The following CDH4 variants were observed in gnomAD, a reference collection of about 807,000 sequenced individuals.
The protein encoded by CDH4 is cadherin 4.
A neutral mutation model predicts 86.0 loss-of-function variants in CDH4; 33 were observed. The observed-to-expected ratio is 0.38, with a 90% CI of 0.29 to 0.51. The LOEUF (loss-of-function observed/expected upper bound fraction) is 0.51, where lower values mean the gene tolerates loss of function less well. CDH4 is among the 20% of genes least tolerant of loss of function. The probability of loss-of-function intolerance (pLI) is 0.86; values close to 1 mark genes in which losing one functional copy is unlikely to be tolerated. For missense variants in CDH4, 1,114 were observed against 1,307.4 expected, an observed-to-expected ratio of 0.85 and a Z score of 2.28; for synonymous variants, 555 against 549.4, an observed-to-expected ratio of 1.01 and a Z score of -0.14.
At chr20:61,767,142 G>A (rs575560635) in intron 3 of CDH4, among the ~76,000 whole-genome samples, 1 of 152,122 alleles carries the variant, frequency 6.6e-6, no homozygotes, top group Non-Finnish European at 1.5e-5. Context: ...GCCCGTGCAG[G>A]ACTCAGGAAG....
chr20:61,567,254 G>A (rs73914854), intron 2 of CDH4, among the ~76,000 whole-genome samples: 3,709 of 152,290 alleles, frequency 0.024, 107 homozygotes, highest in African/African-American at 0.07. Flanking sequence ...AGCTGGGGAC[G>A]GCAGAAGTTA....
chr20:61,326,294 C>G (rs1052808878), intron 2 of CDH4, among the ~76,000 whole-genome samples: 11 of 152,118 alleles, frequency 7.2e-5, no homozygotes, highest in Non-Finnish European at 1.0e-4. Context: ...GATTGAGTGA[C>G]CTGTTTGAAA....
chr20:61,440,921 G>A (rs560156132), intron 2 of CDH4, among the ~76,000 whole-genome samples: 2 of 152,316 alleles, frequency 1.3e-5, no homozygotes, highest in Admixed American at 6.5e-5. Flanking sequence ...AAGAGCCCAG[G>A]TCAGCAAATC....
At chr20:61,368,518 T>C (rs886605020) in intron 2 of CDH4, among the ~76,000 whole-genome samples, 1 of 152,146 alleles carries the variant, frequency 6.6e-6, no homozygotes, top group Admixed American at 6.5e-5. Context: ...TAAATTGCTG[T>C]TGTTTATAAG....
In CDH4 at chr20:61,903,540, T is replaced by TAAAAAAAAAAAAAA. The variant is rs60370683; in HGVS notation, c.1189-6876_1189-6863dup. Among the ~76,000 whole-genome samples, 41 of 90,878 alleles carry TAAAAAAAAAAAAAA rather than the reference T, an allele frequency of 4.5e-4. 1 individual carries two copies. Among genetic ancestry groups the TAAAAAAAAAAAAAA allele is most frequent in the African/African-American group, 1.8e-3 (37 of 21,128 alleles). The allele number at this position is 90,878 out of a possible 152,430, so 59.6% of individuals were successfully genotyped here. On this transcript the variant is annotated intron_variant, in intron 8 of 15. Coordinates refer to ENST00000614565, the MANE Select transcript of CDH4 (RefSeq NM_001794.5). ...AGCGTGGGCAGCAGAAGAGACTCCA[T>TAAAAAAAAAAAAAA]AAAAAAAAAAAAAAAAAAAGTGTAA...
intron 2 of CDH4, among the ~76,000 whole-genome samples, chr20:61,438,020 T>C (rs898460020): frequency 8.5e-5 from 13 of 152,218 alleles, no homozygotes; most frequent in African/African-American, 3.1e-4. Flanking sequence ...GGACAGCACT[T>C]AATGACCCGT....
chr20:61,670,386 C>T (rs2087373239), intron 2 of CDH4, among the ~76,000 whole-genome samples: 1 of 152,218 alleles, frequency 6.6e-6, no homozygotes, highest in South Asian at 2.1e-4. Flanking sequence ...GTCCCAGCCT[C>T]AGTCATATAT....
At chr20:61,549,909 C>T (rs1303771894) in intron 2 of CDH4, among the ~76,000 whole-genome samples, 1 of 152,182 alleles carries the variant, frequency 6.6e-6, no homozygotes, top group Non-Finnish European at 1.5e-5. Context: ...GGTCAGCTGC[C>T]ACCCCCCTCA....
At chr20:61,384,527 T>C (rs922104108) in intron 2 of CDH4, among the ~76,000 whole-genome samples, 1 of 152,170 alleles carries the variant, frequency 6.6e-6, no homozygotes, top group Admixed American at 6.5e-5. Context: ...AAACCAGTCT[T>C]TTCTGAACAT....
At chr20:61,903,715 A>C (rs2054754806) in intron 8 of CDH4, among the ~76,000 whole-genome samples, 1 of 152,146 alleles carries the variant, frequency 6.6e-6, no homozygotes, top group Non-Finnish European at 1.5e-5. Context: ...GCCGAGAGGC[A>C]GCCCCCAGGG....
In CDH4 at chr20:61,387,471, T is replaced by C. The variant is rs573833046; in HGVS notation, c.169+132534T>C. Among the ~76,000 whole-genome samples, 4 of 134,762 alleles carry C rather than the reference T, an allele frequency of 3.0e-5. No individual in the cohort carries two copies. The South Asian group carries it at 7.4e-4, about 25-fold the overall frequency. 88.4% of individuals were successfully genotyped at this position (134,762 alleles called of 152,430 possible). ...ACACACAGCCACACAAATATATACA[T>C]ACATATACACACACAGCCACACAAA... is the stretch of plus-strand genomic sequence containing the variant. On this transcript the variant is annotated intron_variant, in intron 2 of 15. Coordinates refer to ENST00000614565, the MANE Select transcript of CDH4 (RefSeq NM_001794.5).
intron 2 of CDH4, among the ~76,000 whole-genome samples, chr20:61,467,368 G>T (rs2085478464): frequency 6.6e-6 from 1 of 152,220 alleles, no homozygotes. Context: ...GAAATGTTCT[G>T]TAGAAGCATC....
chr20:61,366,033 G>T (rs2084809353), intron 2 of CDH4, among the ~76,000 whole-genome samples: 1 of 152,216 alleles, frequency 6.6e-6, no homozygotes, highest in Non-Finnish European at 1.5e-5. Flanking sequence ...AAGTTTTGGG[G>T]ATGTGATAAT....
chr20:61,706,483 A>C (rs6121769), intron 2 of CDH4, among the ~76,000 whole-genome samples: 10,509 of 152,252 alleles, frequency 0.069, 504 homozygotes, highest in Non-Finnish European at 0.11. Context: ...GGCTGTAGCC[A>C]AAGGCAGCTG....
intron 2 of CDH4, among the ~76,000 whole-genome samples, chr20:61,287,038 G>A (rs2084296857): frequency 6.6e-6 from 1 of 152,212 alleles, no homozygotes; most frequent in African/African-American, 2.4e-5. Flanking sequence ...GTGCAGAACA[G>A]TCAATGGCCA....
intron 2 of CDH4, among the ~76,000 whole-genome samples, chr20:61,625,240 C>A (rs981416938): frequency 6.6e-6 from 1 of 152,220 alleles, no homozygotes; most frequent in Non-Finnish European, 1.5e-5. Flanking sequence ...TGATCCTAGT[C>A]TGCTCACTCG....
At chr20:61,706,396 G>A (rs1029474134) in intron 2 of CDH4, among the ~76,000 whole-genome samples, 2 of 152,172 alleles carry the variant, frequency 1.3e-5, no homozygotes, top group South Asian at 2.1e-4. Flanking sequence ...AACTGCAGCC[G>A]GCCTCATTTG....
chr20:61,746,638 G>T (rs1403914351), intron 3 of CDH4, among the ~76,000 whole-genome samples: 4 of 152,252 alleles, frequency 2.6e-5, no homozygotes, highest in African/African-American at 4.8e-5. Context: ...TACTGGCTGG[G>T]TGTTTTGGGA....
At chr20:61,632,382 A>G (rs2086897163) in intron 2 of CDH4, among the ~76,000 whole-genome samples, 1 of 152,156 alleles carries the variant, frequency 6.6e-6, no homozygotes, top group Non-Finnish European at 1.5e-5. Context: ...CTTTTCAGCA[A>G]AACAGTGTCA....
Sources: allele counts gnomAD v4.1 joint callset (sites outside exome capture counted in the v4.1 genomes callset), GRCh38; gene constraint gnomAD v4.1.1; transcripts MANE v1.5; gene names NCBI Gene and HGNC (gene_info 2026-07-23, HGNC 2026-07-21).